ZNF423: variants seen among roughly 807,000 people sequenced by gnomAD.
ZNF423 encodes Ebf-associated zinc finger protein.
In ZNF423, 12 loss-of-function variants were observed where a neutral mutation model predicts 95.8. That is an observed-to-expected ratio of 0.13 (90% CI 0.08 to 0.20). ZNF423 has a LOEUF of 0.20. Ranked by LOEUF, ZNF423 falls within the 10% of genes least tolerant of loss-of-function variation. The pLI is 1.00. For missense variants in ZNF423, 1,316 were observed against 1,737.1 expected (o/e 0.76, Z 4.31); for synonymous variants, 749 against 711.9 (o/e 1.05, Z -0.83).
intron 2 of ZNF423, among the ~76,000 whole-genome samples, chr16:49,744,392 C>A (rs912585264): frequency 6.6e-6 from 1 of 151,596 alleles, no homozygotes; most frequent in Non-Finnish European, 1.5e-5. Flanking sequence ...CATGGCCAGG[C>A]GGGGTGTCCC....
intron 3 of ZNF423, among the ~76,000 whole-genome samples, chr16:49,682,093 C>T (rs182170863): frequency 1.3e-5 from 2 of 151,960 alleles, no homozygotes; most frequent in Non-Finnish European, 2.9e-5. Context: ...TCCTCCTCCC[C>T]TTCCCCTTCG....
chr16:49,547,682 C>T (rs552890703), intron 5 of ZNF423, among the ~76,000 whole-genome samples: 36 of 152,342 alleles, frequency 2.4e-4, no homozygotes, highest in African/African-American at 7.2e-4. Flanking sequence ...CAGCACTCCA[C>T]CACAGCCACC....
chr16:49,680,042 G>C (rs1382426248), intron 3 of ZNF423, among the ~76,000 whole-genome samples: 1 of 152,232 alleles, frequency 6.6e-6, no homozygotes, highest in African/African-American at 2.4e-5. Context: ...CCTCTGAGCT[G>C]AGAGCTGGAC....
At chr16:49,542,207 T>TG (rs998010023) in intron 5 of ZNF423, among the ~76,000 whole-genome samples, 1 of 152,182 alleles carries the variant, frequency 6.6e-6, no homozygotes, top group Non-Finnish European at 1.5e-5. Context: ...TCAGCAGATC[T>TG]GCTTTCTGGT....
At chr16:49,610,426 A>G (rs865974596) in intron 5 of ZNF423, among the ~76,000 whole-genome samples, 1 of 152,144 alleles carries the variant, frequency 6.6e-6, no homozygotes, top group Admixed American at 6.5e-5. Flanking sequence ...ACGGGAGGTA[A>G]CTTTTCTACA....
chr16:49,494,587 A>G (rs958595804), intron 7 of ZNF423, among the ~76,000 whole-genome samples: 1 of 152,202 alleles, frequency 6.6e-6, no homozygotes, highest in Admixed American at 6.5e-5. Context: ...GAAACTGGTC[A>G]AGGTCACCCG....
At chr16:49,625,395 C>T (rs1972226235) in intron 5 of ZNF423, among the ~76,000 whole-genome samples, 1 of 152,212 alleles carries the variant, frequency 6.6e-6, no homozygotes, top group South Asian at 2.1e-4. Flanking sequence ...CCCATGGCTG[C>T]AACTTCACTG....
intron 3 of ZNF423, among the ~76,000 whole-genome samples, chr16:49,641,234 A>G (rs1166814962): frequency 6.6e-6 from 1 of 152,194 alleles, no homozygotes; most frequent in African/African-American, 2.4e-5. Flanking sequence ...TGATGCCAGG[A>G]CTGTCCACAT....
chr16:49,660,387 CGAATGAATGAATGAATGAATGAAT>C (rs34713592), intron 3 of ZNF423, among the ~76,000 whole-genome samples: 6 of 151,320 alleles, frequency 4.0e-5, no homozygotes, highest in African/African-American at 1.5e-4. Context: ...AATGAGAAAA[CGAATGAATGAATGAATGAATGAAT>C]GAATGAATAG....
intron 3 of ZNF423, among the ~76,000 whole-genome samples, chr16:49,654,144 T>A (rs1331641853): frequency 6.6e-6 from 1 of 152,114 alleles, no homozygotes; most frequent in Non-Finnish European, 1.5e-5. Flanking sequence ...ACTCCATAGA[T>A]CTCCAGAAAG....
chr16:49,626,080 G>T, intron 5 of ZNF423, 90 bp downstream of exon 5: 1 of 1,281,724 alleles, frequency 7.8e-7, no homozygotes, highest in Non-Finnish European at 1.1e-6. Flanking sequence ...CTGTCCTTTG[G>T]CCTAAAAGCC....
Position 49,730,796 on chromosome 16 carries a change from G to T in ZNF423, c.276C>A (p.Asp92Glu). The part of the protein sequence containing the change: ...QDFESLADLT[D>E]HRAHRCPGDG... The stretch of plus-strand genomic sequence containing the variant: ...CTCCAGGACAGCGGTGGGCCCGGTG[G>T]TCCGTCAGGTCTGCCAGAGACTCGA... Residue 92 changes from aspartate to glutamate, a missense_variant, in exon 3 of 8, where the codon GAC (aspartate) becomes GAA (glutamate). By Grantham distance (45) the Asp-to-Glu change is conservative (BLOSUM62 2). This residue lies in a region of ZNF423 where 155 missense variants were observed against 170.8 expected (regional missense o/e 0.91). Coordinates refer to ENST00000563137, the MANE Select transcript of ZNF423 (RefSeq NM_001379286.1). The T allele has an allele frequency of 6.2e-7, 1 of 1,614,230 alleles. No individual in the cohort carries two copies. Among genetic ancestry groups the T allele is most frequent in the South Asian group, 1.1e-5 (1 of 91,090 alleles).
intron 5 of ZNF423, among the ~76,000 whole-genome samples, chr16:49,596,527 C>T (rs967354092): frequency 7.9e-5 from 12 of 152,148 alleles, no homozygotes; most frequent in Non-Finnish European, 1.6e-4. Context: ...TTGCATACAT[C>T]CCAAAAGCTA....
intron 1 of ZNF423, among the ~76,000 whole-genome samples, chr16:49,824,814 G>A (rs1021945490): frequency 1.5e-4 from 23 of 152,130 alleles, no homozygotes; most frequent in African/African-American, 4.8e-4. Flanking sequence ...AGAAAAGGAC[G>A]AGATTCCAGG....
chr16:49,525,174 G>C (rs984502551), intron 6 of ZNF423, among the ~76,000 whole-genome samples, 189 bp downstream of exon 6: 1 of 152,168 alleles, frequency 6.6e-6, no homozygotes, highest in Admixed American at 6.5e-5. Flanking sequence ...AGGAGGGCGC[G>C]TGTCAGCTCT....
chr16:49,836,643 A>G (rs1172244853), intron 1 of ZNF423, among the ~76,000 whole-genome samples: 1 of 151,256 alleles, frequency 6.6e-6, no homozygotes, highest in African/African-American at 2.5e-5. Context: ...CCAACCTCAC[A>G]GGGCTGCAGA....
chr16:49,755,295 C>CCACCA (rs1339343567), intron 2 of ZNF423, among the ~76,000 whole-genome samples: 1 of 152,184 alleles, frequency 6.6e-6, no homozygotes, highest in Non-Finnish European at 1.5e-5. Context: ...GGTCATTAAC[C>CCACCA]GAGCCCACCA....
chr16:49,681,642 C>T (rs2031361289), intron 3 of ZNF423, among the ~76,000 whole-genome samples: 2 of 152,248 alleles, frequency 1.3e-5, no homozygotes. Flanking sequence ...CCTGGCCTGC[C>T]AGCAAGGGCA....
chr16:49,664,154 G>C (rs2030405172), intron 3 of ZNF423: 5 of 985,520 alleles, frequency 5.1e-6, no homozygotes, highest in Non-Finnish European at 6.0e-6. Flanking sequence ...GCCAGAACCT[G>C]AGCCCGGGTT....
Sources: allele counts gnomAD v4.1 joint callset (sites outside exome capture counted in the v4.1 genomes callset), GRCh38; gene constraint gnomAD v4.1.1; regional missense constraint gnomAD v4.1.1; transcripts MANE v1.5; gene names NCBI Gene and HGNC (gene_info 2026-07-23, HGNC 2026-07-21).